The following ITPR1 variants were observed in gnomAD, a reference collection of about 807,000 sequenced individuals.
ITPR1 encodes the protein inositol 1,4,5-trisphosphate receptor type 1, also known as inositol 1,4,5-trisphosphate-gated calcium channel ITPR1.
Under a neutral mutation model 318.4 loss-of-function variants are expected in ITPR1, and 96 were observed. The ratio of observed to expected loss-of-function variants is 0.30; its 90% confidence interval spans 0.26 to 0.36. The LOEUF (loss-of-function observed/expected upper bound fraction) is 0.36, where lower values mean the gene tolerates loss of function less well. Among genes scored for constraint, ITPR1 ranks in the 10% least tolerant of loss-of-function variants. The pLI is 1.00. For missense variants in ITPR1, 2,440 were observed against 3,460.2 expected (o/e 0.71, Z 7.40); for synonymous variants, 1,312 against 1,289.9 (o/e 1.02, Z -0.37).
At chr3:4,777,221 A>T (rs929511894) in intron 47 of ITPR1, 43 bp from the exon 48 acceptor site, 2 of 1,218,694 alleles carry the variant, frequency 1.6e-6, no homozygotes, top group Non-Finnish European at 2.4e-6. Context: ...CGTCTGATTT[A>T]TGACCAGCGT....
chr3:4,805,507 G>T (rs1329028005), intron 54 of ITPR1, among the ~76,000 whole-genome samples: 1 of 152,192 alleles, frequency 6.6e-6, no homozygotes, highest in East Asian at 1.9e-4. Context: ...GAGAGGAATG[G>T]TCCCCAAAGG....
intron 39 of ITPR1, among the ~76,000 whole-genome samples, 192 bp downstream of exon 39, chr3:4,712,060 A>G (rs568291260): frequency 6.6e-6 from 1 of 152,310 alleles, no homozygotes; most frequent in South Asian, 2.1e-4. Context: ...TCTTTTTTAA[A>G]AGTCAAATAT....
chr3:4,576,879 G>C (rs1427945793), intron 4 of ITPR1, among the ~76,000 whole-genome samples: 1 of 152,222 alleles, frequency 6.6e-6, no homozygotes, highest in African/African-American at 2.4e-5. Flanking sequence ...AGATTTGGCT[G>C]AAGTTCAGAG....
chr3:4,736,547 C>T (rs2043286553), intron 44 of ITPR1, among the ~76,000 whole-genome samples: 1 of 152,246 alleles, frequency 6.6e-6, no homozygotes, highest in Non-Finnish European at 1.5e-5. Context: ...TTTTGAAGTT[C>T]ATTGTCACGT....
chr3:4,598,613 C>A (rs2091034828), intron 4 of ITPR1, among the ~76,000 whole-genome samples: 1 of 151,972 alleles, frequency 6.6e-6, no homozygotes. Flanking sequence ...TGGAGCTAGA[C>A]CCTGTCTTAA....
At position 4,846,957 on chromosome 3, in the gene ITPR1, A is replaced by G; in HGVS notation, c.*732A>G. Reference sequence around the variant, plus strand: ...TAAGAGAGCCAAATTAGAGGCTCATACTTTAGCTTGTGAAGAAGATAATGA... The same window carrying G: ...TAAGAGAGCCAAATTAGAGGCTCATGCTTTAGCTTGTGAAGAAGATAATGA... On this transcript the variant is annotated 3_prime_UTR_variant, in exon 62 of 62. Coordinates refer to ENST00000649015, the MANE Select transcript of ITPR1 (RefSeq NM_001378452.1). 6.6e-6 allele frequency: 1 copy of G among 152,650 alleles called. No homozygotes were observed. The highest frequency in any genetic ancestry group is 1.9e-4 in the East Asian group (1 of 5,202). The allele number at this position is 152,650 out of a possible 1,614,324, so 9.5% of individuals were successfully genotyped here.
intron 47 of ITPR1, among the ~76,000 whole-genome samples, chr3:4,775,811 G>A (rs1278356459): frequency 6.6e-6 from 1 of 152,222 alleles, no homozygotes; most frequent in Non-Finnish European, 1.5e-5. Context: ...GTGACTACTG[G>A]AAGGGGGTTT....
At chr3:4,708,344 T>C (rs186040475) in intron 37 of ITPR1, among the ~76,000 whole-genome samples, 197 of 152,344 alleles carry the variant, frequency 1.3e-3, no homozygotes, top group Non-Finnish European at 6.3e-4. Flanking sequence ...GCATCTTAAC[T>C]TGACCTATGA....
chr3:4,690,765 CAGTGAAAAAG>C (rs1357125548), intron 31 of ITPR1, among the ~76,000 whole-genome samples: 3 of 152,144 alleles, frequency 2.0e-5, no homozygotes, highest in Non-Finnish European at 4.4e-5. Flanking sequence ...ACTTACATAT[CAGTGAAAAAG>C]AGTGCAAGAG....
At chr3:4,527,464 T>G (rs1406820335) in intron 4 of ITPR1, among the ~76,000 whole-genome samples, 1 of 152,182 alleles carries the variant, frequency 6.6e-6, no homozygotes, top group African/African-American at 2.4e-5. Flanking sequence ...TGTGAGCCAC[T>G]GCACCCTGCC....
rs776237607 is a variant in ITPR1, at chr3:4,618,786, C to G, written c.164-8977C>G. 2.6e-5 allele frequency among the ~76,000 whole-genome samples: 4 copies of G among 152,304 alleles called. No homozygotes were observed. The Middle Eastern group carries it at 0.01, about 389-fold the overall frequency. ...CAGTGACATGCCCTACATGGTGTCACTGTGGGACTTTCTTTCTCACATCTG... is the reference window on the plus strand; with the variant it reads ...CAGTGACATGCCCTACATGGTGTCAGTGTGGGACTTTCTTTCTCACATCTG... On this transcript the variant is annotated intron_variant, in intron 4 of 61. Transcript: ENST00000649015.
At chr3:4,627,203 A>G (rs578208822) in intron 4 of ITPR1, among the ~76,000 whole-genome samples, 1 of 152,342 alleles carries the variant, frequency 6.6e-6, no homozygotes, top group African/African-American at 2.4e-5. Flanking sequence ...ATTGTTGTAT[A>G]CAGCAAGGAC....
intron 60 of ITPR1, among the ~76,000 whole-genome samples, chr3:4,830,094 C>T (rs2050373456): frequency 6.6e-6 from 1 of 151,488 alleles, no homozygotes; most frequent in South Asian, 2.1e-4. Flanking sequence ...CTGCCTCAGC[C>T]TCCTGGGTAG....
At position 4,665,139 on chromosome 3, in the gene ITPR1, T is replaced by A; in HGVS notation, c.1556T>A (p.Ile519Asn). The A allele has an allele frequency of 6.2e-7, 1 of 1,614,018 alleles. No homozygotes were observed. Among genetic ancestry groups the A allele is most frequent in the Non-Finnish European group, 8.5e-7 (1 of 1,179,872 alleles). ...LMREQNILKQIFKLLQAPFTD... is the reference protein window; with the variant it reads ...LMREQNILKQNFKLLQAPFTD... ...TTTGCTTTTCATTTTCACAAACAGA[T>A]CTTCAAGTTGTTACAAGCCCCATTC... Residue 519 changes from isoleucine (I) to asparagine (N), a missense_variant and splice_region_variant, in exon 17 of 62, where the codon ATC (isoleucine) becomes AAC (asparagine). Ile to Asn is a moderately radical substitution (Grantham distance 149, BLOSUM62 -3). Transcript: ENST00000649015.
At chr3:4,764,723 G>C (rs900792885) in intron 44 of ITPR1, among the ~76,000 whole-genome samples, 1 of 152,222 alleles carries the variant, frequency 6.6e-6, no homozygotes, top group Non-Finnish European at 1.5e-5. Context: ...GTGGCATTGA[G>C]CGTCTGCCAC....
At chr3:4,763,394 T>C (rs535821342) in intron 44 of ITPR1, among the ~76,000 whole-genome samples, 139 of 148,616 alleles carry the variant, frequency 9.4e-4, no homozygotes, top group Admixed American at 2.8e-3. Flanking sequence ...TTGAACAGAA[T>C]AAAAAAAAAA....
chr3:4,515,460 G>T (rs772540671), intron 2 of ITPR1, among the ~76,000 whole-genome samples: 3 of 152,164 alleles, frequency 2.0e-5, no homozygotes, highest in Non-Finnish European at 4.4e-5. Flanking sequence ...AACCTGGGTT[G>T]CCCTGGGCAT....
chr3:4,844,861 A>G (rs1484252646), intron 61 of ITPR1, among the ~76,000 whole-genome samples: 2 of 152,250 alleles, frequency 1.3e-5, no homozygotes, highest in African/African-American at 4.8e-5. Context: ...TAGTATTTTG[A>G]TTTGAGAGGA....
intron 4 of ITPR1, among the ~76,000 whole-genome samples, chr3:4,593,725 A>C (rs146945450): frequency 3.4e-4 from 52 of 152,356 alleles, no homozygotes; most frequent in African/African-American, 1.3e-3. Flanking sequence ...TGATCAGATA[A>C]ATGCTAAACA....
Sources: allele counts gnomAD v4.1 joint callset (sites outside exome capture counted in the v4.1 genomes callset), GRCh38; gene constraint gnomAD v4.1.1; transcripts MANE v1.5; gene names NCBI Gene and HGNC (gene_info 2026-07-23, HGNC 2026-07-21).